METTL15: variants seen among roughly 807,000 people sequenced by gnomAD.
METTL15 encodes the protein 12S rRNA N(4)-cytidine methyltransferase METTL15.
METTL15 carries 34 observed loss-of-function variants against 38.3 expected under a neutral mutation model. The ratio of observed to expected loss-of-function variants is 0.89; its 90% CI spans 0.68 to 1.18. The LOEUF (loss-of-function observed/expected upper bound fraction) is 1.18. METTL15 is among the 50% of genes most tolerant of loss of function. The pLI is 0.00. For synonymous variants in METTL15, 162 were observed against 170.9 expected (o/e 0.95, Z 0.41); for missense variants, 438 against 498.4 (o/e 0.88, Z 1.15).
chr11:28,212,218 A>G (rs979007503), intron 4 of METTL15, among the ~76,000 whole-genome samples: 1 of 152,028 alleles, frequency 6.6e-6, no homozygotes, highest in East Asian at 1.9e-4. Flanking sequence ...ATAAATACAC[A>G]TAAGCTTTTG....
intron 4 of METTL15, among the ~76,000 whole-genome samples, chr11:28,218,047 T>G (rs1274339170): frequency 6.6e-6 from 1 of 152,180 alleles, no homozygotes; most frequent in Non-Finnish European, 1.5e-5. Flanking sequence ...GTGGGCTCTT[T>G]TTTGGTTCCA....
intron 3 of METTL15, among the ~76,000 whole-genome samples, chr11:28,185,048 A>G (rs546665751): frequency 1.3e-5 from 2 of 151,624 alleles, no homozygotes; most frequent in East Asian, 1.9e-4. Flanking sequence ...TGGATATTGC[A>G]TTTTTAAAAA....
At chr11:28,224,565 G>C (rs1047040835) in intron 4 of METTL15, among the ~76,000 whole-genome samples, 1 of 151,780 alleles carries the variant, frequency 6.6e-6, no homozygotes, top group East Asian at 1.9e-4. Context: ...ATACATGGAT[G>C]TATATTTTCC....
chr11:28,388,591 T>G (rs543902638), intron 5 of METTL15, among the ~76,000 whole-genome samples: 1 of 152,286 alleles, frequency 6.6e-6, no homozygotes, highest in South Asian at 2.1e-4. Flanking sequence ...TCTGTGTTCA[T>G]GGATTACAAG....
At chr11:28,526,371 C>T (rs1851812373) in intron 6 of METTL15, 1 of 152,334 alleles carries the variant, frequency 6.6e-6, no homozygotes, top group African/African-American at 2.4e-5. Context: ...ATTTGGGTAG[C>T]TTGTGTCTTT....
chr11:28,265,574 A>G (rs1005265812), intron 4 of METTL15, among the ~76,000 whole-genome samples: 1 of 152,038 alleles, frequency 6.6e-6, no homozygotes, highest in Non-Finnish European at 1.5e-5. Context: ...TAAATATTAA[A>G]ACATACTTAT....
At chr11:28,334,399 T>G (rs1481473655), downstream of METTL15, among the ~76,000 whole-genome samples, 1 of 152,112 alleles carries the variant, frequency 6.6e-6, no homozygotes, top group East Asian at 1.9e-4. Context: ...ACTGCAATTA[T>G]TTTTCTATTT....
In METTL15 at chr11:28,136,557, C is replaced by T. The variant is rs145977460; in HGVS notation, c.270+22953C>T. On this transcript the variant is annotated intron_variant, in intron 3 of 6. Coordinates refer to ENST00000407364, the MANE Select transcript of METTL15 (RefSeq NM_001113528.2). ...ATGTGGTTTACAATAACATAATAAC[C>T]TTAATTATGATTGATAGCATATACT... Among the ~76,000 whole-genome samples the T allele has an allele frequency of 2.6e-4, 39 of 152,166 alleles. No individual in the cohort carries two copies. The East Asian group carries it at 6.8e-3, about 26-fold the overall frequency.
At chr11:28,380,994 G>A (rs2133384748) in intron 5 of METTL15, among the ~76,000 whole-genome samples, 2 of 151,978 alleles carry the variant, frequency 1.3e-5, no homozygotes, top group South Asian at 4.2e-4. Context: ...TTTTGTCTTT[G>A]ATCTTTTTTG....
chr11:28,524,816 A>G (rs1851795608), intron 6 of METTL15, among the ~76,000 whole-genome samples: 1 of 152,168 alleles, frequency 6.6e-6, no homozygotes, highest in Non-Finnish European at 1.5e-5. Context: ...TGTGTCCAGA[A>G]TTGGTGGGTT....
At chr11:28,141,834 C>T (rs1413852602) in intron 3 of METTL15, among the ~76,000 whole-genome samples, 2 of 152,288 alleles carry the variant, frequency 1.3e-5, no homozygotes, top group Non-Finnish European at 2.9e-5. Flanking sequence ...ATAATTCTAA[C>T]CTTGTGGCCT....
intron 6 of METTL15, among the ~76,000 whole-genome samples, chr11:28,464,109 G>T (rs1323994868): frequency 1.3e-5 from 2 of 152,162 alleles, no homozygotes; most frequent in African/African-American, 4.8e-5. Flanking sequence ...AGAAAGGAAA[G>T]AATATAAAGT....
At chr11:28,275,432 G>A (rs1855805488) in intron 4 of METTL15, among the ~76,000 whole-genome samples, 1 of 151,876 alleles carries the variant, frequency 6.6e-6, no homozygotes, top group African/African-American at 2.4e-5. Context: ...GAACAGACCA[G>A]TAATGTGTAG....
intron 3 of METTL15, among the ~76,000 whole-genome samples, chr11:28,130,904 T>C (rs1437291150): frequency 6.6e-6 from 1 of 152,178 alleles, no homozygotes; most frequent in Non-Finnish European, 1.5e-5. Context: ...AAATGACATT[T>C]TGTTTTAGGC....
At chr11:28,466,624 G>C (rs934951185) in intron 6 of METTL15, among the ~76,000 whole-genome samples, 2 of 152,152 alleles carry the variant, frequency 1.3e-5, no homozygotes, top group African/African-American at 4.8e-5. Flanking sequence ...CCTTCCGTCC[G>C]GCTAAGGTGC....
intron 4 of METTL15, among the ~76,000 whole-genome samples, chr11:28,355,823 T>A (rs980505814): frequency 3.3e-5 from 5 of 152,198 alleles, no homozygotes; most frequent in African/African-American, 1.2e-4. Context: ...TTAGCAAGTT[T>A]GTGGAAGGAT....
intron 6 of METTL15, among the ~76,000 whole-genome samples, chr11:28,509,850 C>T (rs1407411351): frequency 6.6e-6 from 1 of 152,158 alleles, no homozygotes; most frequent in Non-Finnish European, 1.5e-5. Context: ...AATTAAATCC[C>T]TCACTTGTCT....
In METTL15 at chr11:28,113,612, G is replaced by A. The variant is rs1351542833; in HGVS notation, c.270+8G>A. 5 of 1,595,400 alleles carry A rather than the reference G, an allele frequency of 3.1e-6. No homozygotes were observed. The highest frequency in any genetic ancestry group is 2.6e-6 in the Non-Finnish European group (3 of 1,172,000). Reference sequence around the variant, plus strand: ...TCACCACAAAAAGGACAGGTGAGTTGAATTTTTATTTTTTAGCAAGTTTTT... The same window carrying A: ...TCACCACAAAAAGGACAGGTGAGTTAAATTTTTATTTTTTAGCAAGTTTTT... On this transcript the variant is annotated splice_region_variant and intron_variant, in intron 3 of 6. Coordinates refer to ENST00000407364, the MANE Select transcript of METTL15 (RefSeq NM_001113528.2).
chr11:28,130,988 T>C (rs1852748925), intron 3 of METTL15, among the ~76,000 whole-genome samples: 1 of 152,144 alleles, frequency 6.6e-6, no homozygotes, highest in African/African-American at 2.4e-5. Flanking sequence ...ATCAGTTTAT[T>C]TTGTAGCATG....
Sources: allele counts gnomAD v4.1 joint callset (sites outside exome capture counted in the v4.1 genomes callset), GRCh38; gene constraint gnomAD v4.1.1; transcripts MANE v1.5; gene names NCBI Gene and HGNC (gene_info 2026-07-23, HGNC 2026-07-21).